Variants in ATXN2 observed in about 807,000 individuals in gnomAD.
ATXN2 encodes the protein ataxin-2.
ATXN2 carries 37 observed loss-of-function variants against 138.6 expected under a neutral mutation model. That is an observed-to-expected ratio of 0.27 (90% CI 0.21 to 0.35). The LOEUF (loss-of-function observed/expected upper bound fraction) is 0.35. Ranked by LOEUF, ATXN2 falls within the 10% of genes least tolerant of loss-of-function variation. ATXN2 has a pLI of 1.00. For synonymous variants in ATXN2, 549 were observed against 543.7 expected (o/e 1.01, Z -0.13); for missense variants, 1,216 against 1,480.3 (o/e 0.82, Z 2.93).
At position 111,527,257 on chromosome 12, in the gene ATXN2, G is replaced by C. The variant is rs1346657256; in HGVS notation, c.572-1941C>G. ...CGAACTAAGGAGTAATACTTCTGCT[G>C]ATCTGGCTCTGCTGAGGAATATAAG... On this transcript the variant is annotated intron_variant, in intron 5 of 24. Coordinates refer to ENST00000673436, the MANE Select transcript of ATXN2 (RefSeq NM_001372574.1). Among the ~76,000 whole-genome samples, 5 of 152,184 alleles carry C rather than the reference G, an allele frequency of 3.3e-5. No individual in the cohort carries two copies. The South Asian group carries it at 8.3e-4, about 25-fold the overall frequency.
intron 18 of ATXN2, chr12:111,482,846 A>C (rs1016337722): frequency 6.6e-6 from 1 of 152,118 alleles, no homozygotes; most frequent in Non-Finnish European, 1.5e-5. Flanking sequence ...AAAAAAAAAA[A>C]ATAGCATACT....
At chr12:111,569,949 A>C (rs1315031692) in intron 1 of ATXN2, among the ~76,000 whole-genome samples, 1 of 152,184 alleles carries the variant, frequency 6.6e-6, no homozygotes, top group African/African-American at 2.4e-5. Flanking sequence ...GTCCTATGTC[A>C]TGCTGTCCAA....
rs7302641 is a variant in ATXN2 at position 111,525,120 on chromosome 12, T to C, written c.696+72A>G. On this transcript the variant is annotated intron_variant, in intron 6 of 24. Coordinates refer to ENST00000673436, the MANE Select transcript of ATXN2 (RefSeq NM_001372574.1). The stretch of plus-strand genomic sequence containing the variant: ...CAATAACAACAACAACAAAAGCACA[T>C]TTAAATTACAACCAAGTGACAGGAT... 30,208 of 1,516,282 alleles carry C rather than the reference T, an allele frequency of 0.02. 4,866 individuals are homozygous for C. The African/African-American group carries it at 0.36, about 18-fold the overall frequency. The allele number at this position is 1,516,282 out of a possible 1,614,324, so 93.9% of individuals were successfully genotyped here. A position where few individuals can be genotyped will look rare whatever the true frequency, so the allele number is the denominator to read the frequency against.
At chr12:111,527,855 GTTC>G (rs1880585182) in intron 5 of ATXN2, among the ~76,000 whole-genome samples, 1 of 152,170 alleles carries the variant, frequency 6.6e-6, no homozygotes, top group African/African-American at 2.4e-5. Flanking sequence ...CCTGAATCAC[GTTC>G]TTCTCTACAT....
At chr12:111,482,300 T>G (rs1159916808) in intron 18 of ATXN2, among the ~76,000 whole-genome samples, 3 of 151,304 alleles carry the variant, frequency 2.0e-5, no homozygotes, top group Non-Finnish European at 4.4e-5. Flanking sequence ...GTTCATGCCA[T>G]TCTCCTGCCT....
In ATXN2 at chr12:111,554,906, GCATCAGTGACAGT is replaced by G. The variant is rs1267233311; in HGVS notation, c.289-702_289-690del. On this transcript the variant is annotated intron_variant, in intron 2 of 24. Coordinates refer to ENST00000673436, the MANE Select transcript of ATXN2 (RefSeq NM_001372574.1). ...CTGACTAGGTTCTCCCAGCATATCAGCATCAGTGACAGTGCTTAAGTCTGATCAACCACACTAC... is the reference window on the plus strand; with the variant it reads ...CTGACTAGGTTCTCCCAGCATATCAGGCTTAAGTCTGATCAACCACACTAC... Among the ~76,000 whole-genome samples the G allele has an allele frequency of 2.6e-5, 4 of 152,292 alleles. No individual in the cohort carries two copies. In the South Asian group the frequency reaches 8.3e-4, roughly 32 times the overall value.
In ATXN2 at chr12:111,598,841, G is replaced by T. The variant is rs1885078554; in HGVS notation, c.194C>A (p.Thr65Lys). The change falls in exon 1 of 25, where the codon ACG (threonine) becomes AAG (lysine). Residue 65 changes from threonine (T) to lysine (K), a missense_variant. Physicochemically the swap from Thr to Lys is moderately conservative, Grantham distance 78 (BLOSUM62 -1). Coordinates refer to ENST00000673436, the MANE Select transcript of ATXN2 (RefSeq NM_001372574.1). The surrounding 1 kb of genome is among the most constrained non-coding windows in gnomAD (Gnocchi z 4.5). Reference sequence around the variant, plus strand: ...CGCCGCGACCACCGAGGAGGGAGCCGTGGCCGAGGACGAGGAGACCGAGGA... The same window carrying T: ...CGCCGCGACCACCGAGGAGGGAGCCTTGGCCGAGGACGAGGAGACCGAGGA... The part of the protein sequence containing the change: ...SSSSVSSSSA[T>K]APSSVVAATS... The T allele has an allele frequency of 6.8e-7, 1 of 1,469,826 alleles. No homozygotes were observed. The highest frequency in any genetic ancestry group is 1.3e-5 in the South Asian group (1 of 78,444). 91.0% of individuals were successfully genotyped at this position (1,469,826 alleles called of 1,614,324 possible). A position where few individuals can be genotyped will look rare whatever the true frequency, so the allele number is the denominator to read the frequency against.
intron 18 of ATXN2, among the ~76,000 whole-genome samples, chr12:111,484,120 A>C (rs1877465797): frequency 6.6e-6 from 1 of 152,164 alleles, no homozygotes; most frequent in Non-Finnish European, 1.5e-5. Flanking sequence ...CATTGGTTGA[A>C]GTTAGTTGCC....
chr12:111,561,171 C>T (rs901850493), intron 1 of ATXN2, among the ~76,000 whole-genome samples: 5 of 148,626 alleles, frequency 3.4e-5, no homozygotes, highest in African/African-American at 1.0e-4. Flanking sequence ...GGCAATACAG[C>T]GAGACTCCGC....
intron 19 of ATXN2, 104 bp downstream of exon 19, chr12:111,470,454 C>T: frequency 7.5e-7 from 1 of 1,340,208 alleles, no homozygotes; most frequent in Non-Finnish European, 1.0e-6. Flanking sequence ...GCTATCTACC[C>T]TACCATCACA....
chr12:111,513,596 T>C, intron 10 of ATXN2, 57 bp from the exon 11 acceptor site: 1 of 1,502,020 alleles, frequency 6.7e-7, no homozygotes, highest in Non-Finnish European at 9.0e-7. Context: ...AGTACTACTT[T>C]TCTGCTAAAT....
In ATXN2 at chr12:111,552,814, A is replaced by C. The variant is rs554865558; in HGVS notation, c.420+92T>G. The C allele has an allele frequency of 1.2e-6, 1 of 838,752 alleles. No homozygotes were observed. Among genetic ancestry groups the C allele is most frequent in the East Asian group, 2.9e-5 (1 of 34,968 alleles). 52.0% of individuals were successfully genotyped at this position (838,752 alleles called of 1,614,324 possible). On this transcript the variant is annotated intron_variant, in intron 4 of 24. Coordinates refer to ENST00000673436, the MANE Select transcript of ATXN2 (RefSeq NM_001372574.1). This position sits in a 1 kb window ranked among gnomAD's most constrained non-coding sequence, Gnocchi z 4.1. ...ATCAGTATTTGAAACTGAGAAGTAA[A>C]ATCATTCAAAGTGGCTTTAAAAACT...
intron 23 of ATXN2, chr12:111,455,321 C>T (rs749733886): frequency 5.2e-5 from 28 of 540,886 alleles, no homozygotes; most frequent in Non-Finnish European, 8.7e-5. Flanking sequence ...CCCTGGAGTG[C>T]AGGGACCTTT....
chr12:111,530,315 C>G (rs1880745141), intron 5 of ATXN2, among the ~76,000 whole-genome samples: 1 of 152,120 alleles, frequency 6.6e-6, no homozygotes, highest in Non-Finnish European at 1.5e-5. Context: ...AGACTAGTTA[C>G]AGAAATGAAG....
At chr12:111,562,987 A>G (rs1882784898) in intron 1 of ATXN2, among the ~76,000 whole-genome samples, 1 of 152,224 alleles carries the variant, frequency 6.6e-6, no homozygotes, top group African/African-American at 2.4e-5. Context: ...TAACAACCCC[A>G]GTAATGGGAT....
intron 18 of ATXN2, among the ~76,000 whole-genome samples, chr12:111,481,085 G>A (rs895858025): frequency 3.9e-5 from 6 of 152,130 alleles, no homozygotes; most frequent in South Asian, 2.1e-4. Context: ...TGAGGCAGGC[G>A]GATCATTTGA....
intron 12 of ATXN2, 110 bp from the exon 13 acceptor site, chr12:111,510,108 T>G (rs950069868): frequency 8.3e-6 from 7 of 842,284 alleles, no homozygotes; most frequent in Middle Eastern, 3.6e-4. Flanking sequence ...TGCTTTCATT[T>G]AAACAGAGGC....
intron 5 of ATXN2, among the ~76,000 whole-genome samples, chr12:111,526,759 T>C (rs576169338): frequency 1.3e-5 from 2 of 152,324 alleles, no homozygotes; most frequent in Non-Finnish European, 2.9e-5. Flanking sequence ...TTCGGAGTAC[T>C]TGCAGCCAAA....
At chr12:111,456,004 G>C (rs1392723187) in intron 23 of ATXN2, 25 bp downstream of exon 23, 3 of 1,605,622 alleles carry the variant, frequency 1.9e-6, no homozygotes, top group Non-Finnish European at 2.6e-6. Flanking sequence ...GGCCTTCACA[G>C]AAAGTTGGCT....
Sources: gnomAD v4.1 joint callset for allele counts (sites outside exome capture counted in the v4.1 genomes callset) on GRCh38, gnomAD v4.1.1 for gene constraint, Gnocchi (gnomAD v3.1) non-coding constraint, MANE v1.5 for transcripts, NCBI Gene and HGNC (gene_info 2026-07-23, HGNC 2026-07-21) for gene names.